Variants in WBP4 observed in about 807,000 individuals in gnomAD.
WBP4 encodes WW domain binding protein 4, also known as WW domain-binding protein 4.
WBP4 carries 37 observed loss-of-function variants against 55.4 expected under a neutral mutation model. The ratio of observed to expected loss-of-function variants is 0.67; its 90% CI spans 0.51 to 0.88. The LOEUF is 0.88. Among genes scored for constraint, WBP4 ranks in the 40% least tolerant of loss-of-function variants. The probability of loss-of-function intolerance (pLI) is 0.00; values close to 1 mark genes in which losing one functional copy is unlikely to be tolerated. For missense variants in WBP4, 398 were observed against 420.8 expected (o/e 0.95, Z 0.47); for synonymous variants, 142 against 140.2 (o/e 1.01, Z -0.09).
intron 7 of WBP4, among the ~76,000 whole-genome samples, chr13:41,075,178 G>C (rs1450807830): frequency 6.6e-6 from 1 of 152,096 alleles, no homozygotes. Flanking sequence ...TCTCCCAGTT[G>C]AAAGTAGGGA....
At chr13:41,069,973 T>C (rs1436397951) in intron 5 of WBP4, among the ~76,000 whole-genome samples, 1 of 152,080 alleles carries the variant, frequency 6.6e-6, no homozygotes, top group Non-Finnish European at 1.5e-5. Flanking sequence ...ACTAAATGTA[T>C]TTGGGGTTTT....
At chr13:41,080,955 T>G (rs1878750092) in intron 9 of WBP4, 146 bp downstream of exon 9, 2 of 871,154 alleles carry the variant, frequency 2.3e-6, no homozygotes, top group Non-Finnish European at 1.8e-6. Flanking sequence ...ATCCCAGCAC[T>G]TTGGGAGGCT....
In WBP4 at chr13:41,068,637, GAAAGA is replaced by G. The variant is rs1566209758; in HGVS notation, c.346_350del (p.Lys116GlufsTer18). 1.9e-6 allele frequency: 3 copies of G among 1,613,026 alleles called. No homozygotes were observed. The highest frequency in any genetic ancestry group is 1.1e-5 in the South Asian group (1 of 90,934). ...CGACATCAAATCAACAGAAAGAAAAGAAAGAAAAGAAGAAAAGAAAAAAAGATCCT... is the reference window on the plus strand; with the variant it reads ...CGACATCAAATCAACAGAAAGAAAAGAAAGAAGAAAAGAAAAAAAGATCCT... On this transcript the variant is annotated frameshift_variant, in exon 5 of 10. Transcript: ENST00000379487. LOFTEE classifies it high-confidence loss of function.
intron 5 of WBP4, 130 bp downstream of exon 5, chr13:41,068,867 C>A: frequency 1.9e-6 from 2 of 1,037,140 alleles, no homozygotes; most frequent in Non-Finnish European, 2.6e-6. Context: ...TTCATTTTTG[C>A]CCCAAAGGTA....
intron 1 of WBP4, 97 bp downstream of exon 1, chr13:41,061,772 C>G (rs1303623760): frequency 2.5e-6 from 4 of 1,582,860 alleles, no homozygotes; most frequent in Non-Finnish European, 3.4e-6. Flanking sequence ...GCCCTTCGGC[C>G]GGGGGCGTGA....
intron 8 of WBP4, among the ~76,000 whole-genome samples, chr13:41,079,011 G>T (rs77577640): frequency 0.015 from 2,293 of 151,998 alleles, 54 homozygotes; most frequent in African/African-American, 0.052. Context: ...CAATTAACAG[G>T]GTAAATAAAC....
intron 6 of WBP4, among the ~76,000 whole-genome samples, 161 bp from the exon 7 acceptor site, chr13:41,072,621 C>G (rs1471588595): frequency 2.0e-5 from 3 of 152,204 alleles, no homozygotes; most frequent in Non-Finnish European, 2.9e-5. Flanking sequence ...CCATCTCCAA[C>G]TTGGAGGATT....
intron 8 of WBP4, among the ~76,000 whole-genome samples, chr13:41,076,457 G>A (rs1878499573): frequency 6.6e-6 from 1 of 151,314 alleles, no homozygotes; most frequent in African/African-American, 2.4e-5. Flanking sequence ...TTTTTTTATT[G>A]TTAGTAGAGA....
At position 41,083,444 on chromosome 13, in the gene WBP4, A is replaced by G. The variant is rs977437596; in HGVS notation, c.*530A>G. 1 of 156,086 alleles carries G rather than the reference A, an allele frequency of 6.4e-6. No individual in the cohort carries two copies. The highest frequency in any genetic ancestry group is 1.4e-5 in the Non-Finnish European group (1 of 70,514). 9.7% of individuals were successfully genotyped at this position (156,086 alleles called of 1,614,324 possible). A position where few individuals can be genotyped will look rare whatever the true frequency, so the allele number is the denominator to read the frequency against. On this transcript the variant is annotated 3_prime_UTR_variant, in exon 10 of 10. Transcript: ENST00000379487. Reference sequence around the variant, plus strand: ...AAAAGCCAACAGCCAGGAGCAGCTCAGGTACTTCAGATGTGCTTAATATGG... The same window carrying G: ...AAAAGCCAACAGCCAGGAGCAGCTCGGGTACTTCAGATGTGCTTAATATGG...
chr13:41,063,594 C>G (rs1877810278), intron 2 of WBP4, among the ~76,000 whole-genome samples: 1 of 152,074 alleles, frequency 6.6e-6, no homozygotes, highest in South Asian at 2.1e-4. Context: ...CTTAAAGTCT[C>G]TCTTTCTTGG....
chr13:41,080,862 A>G (rs1195814610), intron 9 of WBP4, 53 bp downstream of exon 9: 1 of 1,538,928 alleles, frequency 6.5e-7, no homozygotes, highest in Non-Finnish European at 8.8e-7. Context: ...TTTACATCCC[A>G]GTACTTCCCT....
At chr13:41,073,427 A>G (rs1878337190) in intron 7 of WBP4, among the ~76,000 whole-genome samples, 2 of 151,796 alleles carry the variant, frequency 1.3e-5, no homozygotes, top group South Asian at 4.2e-4. Flanking sequence ...AGACAGGAGA[A>G]TCTTGTACCT....
At position 41,083,909 on chromosome 13, in the gene WBP4, A is replaced by T. The variant is rs1466360790; in HGVS notation, c.*995A>T. 3 of 152,108 alleles carry T rather than the reference A, an allele frequency of 2.0e-5. No homozygotes were observed. The highest frequency in any genetic ancestry group is 7.2e-5 in the African/African-American group (3 of 41,428). The allele number at this position is 152,108 out of a possible 1,614,324, so 9.4% of individuals were successfully genotyped here. On this transcript the variant is annotated 3_prime_UTR_variant, in exon 10 of 10. Coordinates refer to ENST00000379487, the MANE Select transcript of WBP4 (RefSeq NM_007187.5). ...AATTCACAAAATTACATTTCTCATA[A>T]ATTGTATAGTATTTAACTTATAATA...
chr13:41,062,570 A>G (rs1877737098), intron 1 of WBP4, 74 bp from the exon 2 acceptor site: 1 of 1,402,326 alleles, frequency 7.1e-7, no homozygotes. Flanking sequence ...CAAACTTTAA[A>G]AACTGTAAAG....
chr13:41,082,809 C>T lies in WBP4; in HGVS notation c.1026C>T (p.Val342=). 6.2e-7 allele frequency: 1 copy of T among 1,614,046 alleles called. No individual in the cohort carries two copies. Among genetic ancestry groups the T allele is most frequent in the Non-Finnish European group, 8.5e-7 (1 of 1,179,996 alleles). The change falls in exon 10 of 10, where the codon GTC becomes GTT. Residue 342 remains valine, a synonymous_variant. Transcript: ENST00000379487. ...AAGTGGTATTTAAAGAAAAAACAGTCACTTCTCTTGGAGTTATGGCAGATG... is the reference window on the plus strand; with the variant it reads ...AAGTGGTATTTAAAGAAAAAACAGTTACTTCTCTTGGAGTTATGGCAGATG... The part of the protein sequence containing the change: ...EPKVVFKEKT[V]TSLGVMADGV...
At chr13:41,065,356 A>C in intron 4 of WBP4, 69 bp downstream of exon 4, 1 of 1,492,702 alleles carries the variant, frequency 6.7e-7, no homozygotes. Flanking sequence ...AAGCTAAGTA[A>C]GCTTTGATTG....
intron 7 of WBP4, among the ~76,000 whole-genome samples, chr13:41,074,626 A>C (rs1488031621): frequency 6.6e-6 from 1 of 152,232 alleles, no homozygotes; most frequent in African/African-American, 2.4e-5. Flanking sequence ...ATAAACATGC[A>C]TGCTCTGTAA....
intron 2 of WBP4, 56 bp from the exon 3 acceptor site, chr13:41,064,960 G>T: frequency 7.1e-7 from 1 of 1,409,764 alleles, no homozygotes; most frequent in Non-Finnish European, 9.5e-7. Flanking sequence ...TGTTTACTAT[G>T]AATTTTATGA....
In WBP4 at chr13:41,068,849, A is replaced by G. The variant is rs533288556; in HGVS notation, c.439+112A>G. 27 of 1,207,536 alleles carry G rather than the reference A, an allele frequency of 2.2e-5. No homozygotes were observed. In the South Asian group the frequency reaches 5.4e-4, roughly 24 times the overall value. The allele number at this position is 1,207,536 out of a possible 1,614,324, so 74.8% of individuals were successfully genotyped here. A position where few individuals can be genotyped will look rare whatever the true frequency, so the allele number is the denominator to read the frequency against. ...GTTGGAGCACTTTAAATAGTGAAAG[A>G]CCGGTTTTTCATTTTTGCCCCAAAG... On this transcript the variant is annotated intron_variant, in intron 5 of 9. Coordinates refer to ENST00000379487, the MANE Select transcript of WBP4 (RefSeq NM_007187.5).
Sources: allele counts gnomAD v4.1 joint callset (sites outside exome capture counted in the v4.1 genomes callset), GRCh38; gene constraint gnomAD v4.1.1; transcripts MANE v1.5; gene names NCBI Gene and HGNC (gene_info 2026-07-23, HGNC 2026-07-21).